The following CDH13 variants were observed in gnomAD, a reference collection of about 807,000 sequenced individuals.
The protein encoded by CDH13 is cadherin-13.
CDH13 carries 24 observed loss-of-function variants against 63.8 expected under a neutral mutation model. That is an observed-to-expected ratio of 0.38 (90% CI 0.27 to 0.53). The LOEUF (loss-of-function observed/expected upper bound fraction) is 0.53. Ranked by LOEUF, CDH13 falls within the 20% of genes least tolerant of loss-of-function variation. The pLI, the probability that CDH13 is intolerant of heterozygous loss-of-function variation, is 0.85. For synonymous variants in CDH13, 503 were observed against 355.3 expected (o/e 1.42, Z -4.67); for missense variants, 1,049 against 903.1 (o/e 1.16, Z -2.07).
In CDH13 at chr16:82,975,947, A is replaced by G. The variant is rs78491215; in HGVS notation, c.158-56063A>G. Among the ~76,000 whole-genome samples the G allele has an allele frequency of 2.3e-3, 345 of 152,226 alleles. 1 individual carries two copies. Among genetic ancestry groups the G allele is most frequent in the African/African-American group, 7.9e-3 (327 of 41,532 alleles). On this transcript the variant is annotated intron_variant, in intron 2 of 13. Coordinates refer to ENST00000567109, the MANE Select transcript of CDH13 (RefSeq NM_001257.5). ...CAAGCGCTCTCCCCCAGCACTTTCC[A>G]GGACTAAATAATGCATGAAGGGAGA...
chr16:83,771,358 G>A (rs1441927352), intron 11 of CDH13, among the ~76,000 whole-genome samples: 1 of 152,196 alleles, frequency 6.6e-6, no homozygotes, highest in Non-Finnish European at 1.5e-5. Context: ...GAAATACAAG[G>A]TTAATTATTG....
chr16:83,280,750 C>T (rs1378458947), intron 5 of CDH13, among the ~76,000 whole-genome samples: 1 of 152,202 alleles, frequency 6.6e-6, no homozygotes, highest in African/African-American at 2.4e-5. Flanking sequence ...AAAATTACTC[C>T]TTGATCCATG....
intron 4 of CDH13, among the ~76,000 whole-genome samples, chr16:83,196,872 C>T (rs1292952011): frequency 3.3e-5 from 5 of 152,274 alleles, no homozygotes; most frequent in South Asian, 2.1e-4. Context: ...AGTCAAGAAA[C>T]GAGTTTGGCA....
chr16:82,640,300 T>C (rs892459607), intron 1 of CDH13, among the ~76,000 whole-genome samples: 1 of 152,324 alleles, frequency 6.6e-6, no homozygotes, highest in Middle Eastern at 3.4e-3. Flanking sequence ...AATACATACA[T>C]GGCATTTTTG....
intron 1 of CDH13, among the ~76,000 whole-genome samples, chr16:82,725,036 C>A (rs765659431): frequency 2.0e-5 from 3 of 152,032 alleles, no homozygotes; most frequent in Non-Finnish European, 2.9e-5. Flanking sequence ...ATACTAAGTT[C>A]TTGATAAATA....
chr16:83,499,895 C>G (rs528351035), intron 7 of CDH13, among the ~76,000 whole-genome samples: 3 of 152,158 alleles, frequency 2.0e-5, no homozygotes, highest in African/African-American at 7.2e-5. Context: ...CTCCACCTCC[C>G]GGGTTCAAGC....
At chr16:82,876,152 G>A (rs1426470790) in intron 2 of CDH13, among the ~76,000 whole-genome samples, 1 of 152,184 alleles carries the variant, frequency 6.6e-6, no homozygotes, top group Non-Finnish European at 1.5e-5. Context: ...TAAATAGTGG[G>A]AGTTACAATT....
intron 4 of CDH13, among the ~76,000 whole-genome samples, chr16:83,157,564 G>A (rs949865028): frequency 1.3e-5 from 2 of 152,046 alleles, no homozygotes; most frequent in Admixed American, 1.3e-4. Flanking sequence ...AACGCAAAAG[G>A]ACCTAGCAGG....
intron 1 of CDH13, among the ~76,000 whole-genome samples, chr16:82,697,132 G>T (rs1259947702): frequency 6.6e-6 from 1 of 152,160 alleles, no homozygotes; most frequent in Admixed American, 6.5e-5. Context: ...ACTGAGTCCA[G>T]GTCCACACTC....
chr16:82,832,180 G>C (rs9936998), intron 1 of CDH13, among the ~76,000 whole-genome samples: 1 of 152,060 alleles, frequency 6.6e-6, no homozygotes, highest in Admixed American at 6.6e-5. Context: ...CATTTTTCAC[G>C]TATTGAAAAT....
At chr16:83,620,530 C>T (rs1263831161) in intron 8 of CDH13, among the ~76,000 whole-genome samples, 2 of 152,034 alleles carry the variant, frequency 1.3e-5, no homozygotes, top group South Asian at 2.1e-4. Flanking sequence ...TGAGACCCAA[C>T]ACCTATGTCC....
rs2039073596 is a variant in CDH13 at position 82,842,418 on chromosome 16, T to C, written c.46-15944T>C. Reference sequence around the variant, plus strand: ...TTCAAGGCCTATCCTCATTTGTAGTTCTTCACACTGTACCACTCTTTATTT... The same window carrying C: ...TTCAAGGCCTATCCTCATTTGTAGTCCTTCACACTGTACCACTCTTTATTT... On this transcript the variant is annotated intron_variant, in intron 1 of 13. Coordinates refer to ENST00000567109, the MANE Select transcript of CDH13 (RefSeq NM_001257.5). Among the ~76,000 whole-genome samples the C allele has an allele frequency of 2.0e-5, 3 of 151,780 alleles. No individual in the cohort carries two copies. In the South Asian group the frequency reaches 6.2e-4, roughly 32 times the overall value.
intron 3 of CDH13, among the ~76,000 whole-genome samples, chr16:83,104,582 T>C (rs1380518897): frequency 8.6e-6 from 1 of 116,368 alleles, no homozygotes. Context: ...ACTTGAGGTT[T>C]GGGGAAGGCT....
intron 2 of CDH13, among the ~76,000 whole-genome samples, chr16:82,866,503 C>T (rs986930491): frequency 4.7e-5 from 7 of 149,264 alleles, no homozygotes; most frequent in African/African-American, 1.7e-4. Flanking sequence ...ATTCTCCTGC[C>T]TCAGCTTCCT....
At chr16:82,942,436 C>G (rs1194713954) in intron 2 of CDH13, among the ~76,000 whole-genome samples, 1 of 152,154 alleles carries the variant, frequency 6.6e-6, no homozygotes, top group African/African-American at 2.4e-5. Flanking sequence ...TAAAACTATC[C>G]TGTTATAAGT....
intron 1 of CDH13, among the ~76,000 whole-genome samples, chr16:82,683,307 C>G (rs1263503960): frequency 6.6e-6 from 1 of 152,184 alleles, no homozygotes; most frequent in African/African-American, 2.4e-5. Flanking sequence ...AGCTTGTCTG[C>G]TTATCACCCC....
intron 2 of CDH13, among the ~76,000 whole-genome samples, chr16:83,029,059 C>T (rs553112284): frequency 6.6e-6 from 1 of 152,116 alleles, no homozygotes; most frequent in Non-Finnish European, 1.5e-5. Flanking sequence ...CAAAATAGTA[C>T]TTTATTTGTT....
At chr16:83,122,220 G>A (rs1292072248) in intron 3 of CDH13, among the ~76,000 whole-genome samples, 1 of 152,188 alleles carries the variant, frequency 6.6e-6, no homozygotes, top group Admixed American at 6.5e-5. Context: ...TCAGCTTGGT[G>A]CTAACACGCC....
At chr16:83,669,617 G>A (rs942959389) in intron 8 of CDH13, among the ~76,000 whole-genome samples, 12 of 152,090 alleles carry the variant, frequency 7.9e-5, no homozygotes, top group Admixed American at 3.3e-4. Flanking sequence ...TTGCCGAGGC[G>A]CAATAAACAA....
Sources: gnomAD v4.1 joint callset for allele counts (sites outside exome capture counted in the v4.1 genomes callset) on GRCh38, gnomAD v4.1.1 for gene constraint, MANE v1.5 for transcripts, NCBI Gene and HGNC (gene_info 2026-07-23, HGNC 2026-07-21) for gene names.